SPOCK1: variants seen among roughly 807,000 people sequenced by gnomAD.
SPOCK1 encodes SPARC (osteonectin), cwcv and kazal like domains proteoglycan 1.
In SPOCK1, 23 loss-of-function variants were observed where a neutral mutation model predicts 55.3. The observed-to-expected ratio is 0.42, with a 90% CI of 0.30 to 0.59. The LOEUF is 0.59. Ranked by LOEUF, SPOCK1 falls within the 20% of genes least tolerant of loss-of-function variation. SPOCK1 has a pLI of 0.22. For synonymous variants in SPOCK1, 226 were observed against 221.0 expected (o/e 1.02, Z -0.20); for missense variants, 499 against 552.5 (o/e 0.90, Z 0.97).
chr5:137,256,120 T>C (rs1756625526), intron 3 of SPOCK1, among the ~76,000 whole-genome samples: 1 of 152,190 alleles, frequency 6.6e-6, no homozygotes, highest in Non-Finnish European at 1.5e-5. Flanking sequence ...AAGTGGCATA[T>C]GTTTCTAAAT....
At chr5:137,320,272 T>A (rs565251110) in intron 2 of SPOCK1, among the ~76,000 whole-genome samples, 1 of 152,142 alleles carries the variant, frequency 6.6e-6, no homozygotes, top group Non-Finnish European at 1.5e-5. Flanking sequence ...AGAGTGCTGA[T>A]GGGAAACTGA....
chr5:137,229,528 G>A (rs1756008953), intron 3 of SPOCK1, among the ~76,000 whole-genome samples: 2 of 152,160 alleles, frequency 1.3e-5, no homozygotes, highest in Non-Finnish European at 2.9e-5. Flanking sequence ...GGCAAGAGGA[G>A]AGACCCATCT....
chr5:137,033,156 C>T (rs985056030), intron 6 of SPOCK1, among the ~76,000 whole-genome samples: 1 of 152,256 alleles, frequency 6.6e-6, no homozygotes, highest in African/African-American at 2.4e-5. Flanking sequence ...TGAACTCCCT[C>T]GTGGCGGCCG....
At position 137,472,295 on chromosome 5, in the gene SPOCK1, C is replaced by A. The variant is rs182426924; in HGVS notation, c.186+26078G>T. 3.9e-3 allele frequency among the ~76,000 whole-genome samples: 565 copies of A among 146,428 alleles called. 3 individuals carry two copies. The highest frequency in any genetic ancestry group is 0.013 in the African/African-American group (510 of 39,986). ...CCATCACACTATCTTCTCTTCAACTCCCCCATCACCACCTTATCCAGGAAG... is the reference window on the plus strand; with the variant it reads ...CCATCACACTATCTTCTCTTCAACTACCCCATCACCACCTTATCCAGGAAG... On this transcript the variant is annotated intron_variant, in intron 2 of 10. Coordinates refer to ENST00000394945, the MANE Select transcript of SPOCK1 (RefSeq NM_004598.4).
chr5:137,235,263 G>GT (rs1756155719), intron 3 of SPOCK1, among the ~76,000 whole-genome samples: 1 of 152,218 alleles, frequency 6.6e-6, no homozygotes, highest in African/African-American at 2.4e-5. Flanking sequence ...TGGATGGCAA[G>GT]TGTAAACCTT....
chr5:137,111,918 A>G (rs1286101993), intron 5 of SPOCK1, among the ~76,000 whole-genome samples: 3 of 152,016 alleles, frequency 2.0e-5, no homozygotes, highest in African/African-American at 7.3e-5. Context: ...CCCTACCCCC[A>G]TTCATCTGTG....
intron 2 of SPOCK1, among the ~76,000 whole-genome samples, chr5:137,342,022 T>C (rs954441326): frequency 6.6e-6 from 1 of 152,250 alleles, no homozygotes; most frequent in African/African-American, 2.4e-5. Flanking sequence ...AGGGCTGCGG[T>C]GTGTGGGTAC....
chr5:137,472,099 A>T (rs1199657282), intron 2 of SPOCK1, among the ~76,000 whole-genome samples: 2 of 152,016 alleles, frequency 1.3e-5, no homozygotes, highest in Non-Finnish European at 2.9e-5. Context: ...CTCGCCAAAG[A>T]CTCACTGCCA....
intron 5 of SPOCK1, among the ~76,000 whole-genome samples, chr5:137,105,640 A>G (rs1753349097): frequency 1.3e-5 from 2 of 152,248 alleles, no homozygotes; most frequent in African/African-American, 4.8e-5. Context: ...GTTGGAAACT[A>G]TTAAGATGCC....
intron 3 of SPOCK1, among the ~76,000 whole-genome samples, chr5:137,176,350 G>A (rs1754851761): frequency 6.6e-6 from 1 of 152,184 alleles, no homozygotes; most frequent in African/African-American, 2.4e-5. Flanking sequence ...AGGGGGTGGT[G>A]CCATGAGTTG....
chr5:137,336,603 G>A (rs1041077314), intron 2 of SPOCK1, among the ~76,000 whole-genome samples: 2 of 152,136 alleles, frequency 1.3e-5, no homozygotes, highest in African/African-American at 4.8e-5. Context: ...TTGCTTTCTT[G>A]GCCCCCTTAA....
chr5:136,999,404 C>A (rs1751106605), intron 6 of SPOCK1, among the ~76,000 whole-genome samples: 1 of 152,170 alleles, frequency 6.6e-6, no homozygotes, highest in Non-Finnish European at 1.5e-5. Context: ...TCCCTGGCCC[C>A]TGTGTCCTCC....
intron 2 of SPOCK1, among the ~76,000 whole-genome samples, chr5:137,326,170 C>CA (rs1419473272): frequency 1.3e-5 from 2 of 152,044 alleles, no homozygotes; most frequent in African/African-American, 4.8e-5. Flanking sequence ...AGGCAGCTCC[C>CA]ATTCAGTACT....
intron 3 of SPOCK1, among the ~76,000 whole-genome samples, chr5:137,208,261 A>G (rs1755552338): frequency 6.6e-6 from 1 of 152,214 alleles, no homozygotes; most frequent in African/African-American, 2.4e-5. Context: ...AGCTCTGTGG[A>G]TATGCTCATA....
intron 3 of SPOCK1, among the ~76,000 whole-genome samples, chr5:137,145,239 G>A (rs574515757): frequency 2.0e-5 from 3 of 152,186 alleles, no homozygotes; most frequent in Non-Finnish European, 4.4e-5. Context: ...TCAAAAGCCA[G>A]TTAATTACTG....
rs115067913 is a variant in SPOCK1 at position 137,240,611 on chromosome 5, G to A, written c.232+26399C>T. On this transcript the variant is annotated intron_variant, in intron 3 of 10. Transcript: ENST00000394945. ...ATATCTATTTAAACTATATCACACA[G>A]GAAGACAAACTCACAGAGCTGTCAA... 3.8e-3 allele frequency among the ~76,000 whole-genome samples: 583 copies of A among 152,218 alleles called. 2 individuals carry two copies. Among genetic ancestry groups the A allele is most frequent in the African/African-American group, 0.014 (563 of 41,552 alleles).
chr5:137,240,391 C>T (rs534821490), intron 3 of SPOCK1, among the ~76,000 whole-genome samples: 54 of 152,238 alleles, frequency 3.5e-4, no homozygotes, highest in African/African-American at 9.6e-4. Context: ...ATGGCAAGAA[C>T]GGAGCAAGGT....
chr5:137,122,237 TTA>T (rs1448914902), intron 4 of SPOCK1, among the ~76,000 whole-genome samples: 1 of 109,526 alleles, frequency 9.1e-6, no homozygotes, highest in African/African-American at 3.6e-5. Context: ...GCAAAAGCAG[TTA>T]TACACACACA....
chr5:137,417,070 T>C (rs1464626973), intron 2 of SPOCK1, among the ~76,000 whole-genome samples: 2 of 152,136 alleles, frequency 1.3e-5, no homozygotes, highest in African/African-American at 4.8e-5. Context: ...TAGATATATG[T>C]GTACATGAAT....
Sources: allele counts gnomAD v4.1 joint callset (sites outside exome capture counted in the v4.1 genomes callset), GRCh38; gene constraint gnomAD v4.1.1; transcripts MANE v1.5; gene names NCBI Gene and HGNC (gene_info 2026-07-23, HGNC 2026-07-21).